Variants in TINAGL1 observed in about 807,000 individuals in gnomAD.
TINAGL1 encodes tubulointerstitial nephritis antigen like 1, also known as tubulointerstitial nephritis antigen-like.
In TINAGL1, 34 loss-of-function variants were observed where a neutral mutation model predicts 62.0. The ratio of observed to expected loss-of-function variants is 0.55; its 90% CI spans 0.42 to 0.73. The LOEUF (loss-of-function observed/expected upper bound fraction) is 0.73, where lower values mean the gene tolerates loss of function less well. TINAGL1 is among the 30% of genes least tolerant of loss of function. The probability of loss-of-function intolerance (pLI) is 0.00; values close to 1 mark genes in which losing one functional copy is unlikely to be tolerated. For synonymous variants in TINAGL1, 221 were observed against 249.7 expected (o/e 0.88, Z 1.08); for missense variants, 516 against 653.2 (o/e 0.79, Z 2.29).
chr1:31,586,464 T>C, intron 10 of TINAGL1: 1 of 597,558 alleles, frequency 1.7e-6, no homozygotes, highest in Non-Finnish European at 3.0e-6. Context: ...TTCCCTCCTC[T>C]TCTGCTCACC....
Position 31,577,361 on chromosome 1 carries a change from T to C in TINAGL1, c.213T>C (p.Cys71=). The change falls in exon 2 of 12, where the codon TGT becomes TGC. Residue 71 remains cysteine (C), a synonymous_variant. Transcript: ENST00000271064. This position sits in a 1 kb window ranked among gnomAD's most constrained non-coding sequence, Gnocchi z 5.4. The stretch of plus-strand genomic sequence containing the variant: ...CCCTGCCCTACCTGGGCGCCATCTG[T>C]TACTGTGACCTCTTCTGCAACCGCA... ...DCALPYLGAI[C]YCDLFCNRTV... is the part of the protein sequence containing the mutation. 6.2e-7 allele frequency: 1 copy of C among 1,614,040 alleles called. No homozygotes were observed. The highest frequency in any genetic ancestry group is 1.3e-5 in the African/African-American group (1 of 75,068).
intron 3 of TINAGL1, among the ~76,000 whole-genome samples, chr1:31,581,294 T>C (rs957282799): frequency 6.6e-6 from 1 of 151,972 alleles, no homozygotes; most frequent in Non-Finnish European, 1.5e-5. Flanking sequence ...AGGGAGGGGA[T>C]GGCCGGGAAT....
At position 31,584,716 on chromosome 1, in the gene TINAGL1, C is replaced by G. The variant is rs138221549; in HGVS notation, c.621C>G (p.Phe207Leu). 1 of 1,614,026 alleles carries G rather than the reference C, an allele frequency of 6.2e-7. No homozygotes were observed. The highest frequency in any genetic ancestry group is 1.3e-5 in the African/African-American group (1 of 74,948). The change falls in exon 6 of 12, where the codon TTC becomes TTG. Residue 207 changes from phenylalanine (F) to leucine (L), a missense_variant. Phe to Leu is a conservative substitution (Grantham distance 22). Coordinates refer to ENST00000271064, the MANE Select transcript of TINAGL1 (RefSeq NM_022164.3). The surrounding 1 kb of genome is among the most constrained non-coding windows in gnomAD (Gnocchi z 4.0). ...CAGGGGAGGTGCTTCCCACAGCCTT[C>G]GAGGCCTCTGAGAAGTGGCCCAACC... The part of the protein sequence containing the change: ...LNPGEVLPTA[F>L]EASEKWPNLI...
rs777678743 is a variant in TINAGL1 at position 31,585,524 on chromosome 1, G to A, written c.1093+39G>A. On this transcript the variant is annotated intron_variant, in intron 9 of 11. Transcript: ENST00000271064. The surrounding 1 kb of genome is among the most constrained non-coding windows in gnomAD (Gnocchi z 4.3). ...TCCAGCACCCTGGTTCCAGAAGCTT[G>A]TGCCTGCTTGAGAGTGGGCACAGTA... The A allele has an allele frequency of 6.2e-7, 1 of 1,612,322 alleles. No individual in the cohort carries two copies. Among genetic ancestry groups the A allele is most frequent in the South Asian group, 1.1e-5 (1 of 90,832 alleles).
chr1:31,578,716 A>C (rs1243417549), intron 2 of TINAGL1, among the ~76,000 whole-genome samples: 7 of 93,032 alleles, frequency 7.5e-5, no homozygotes, highest in Non-Finnish European at 1.4e-4. Flanking sequence ...TCTCAGTGAG[A>C]GCTGGTGTGT....
In TINAGL1 at chr1:31,584,091, G is replaced by T; in HGVS notation, c.582+516G>T. ...GGGAGCTTCAGCAGGCCTGGACCGG[G>T]ACATGTGCCGGAGCATTTGTCCATC... On this transcript the variant is annotated intron_variant, in intron 5 of 11. Coordinates refer to ENST00000271064, the MANE Select transcript of TINAGL1 (RefSeq NM_022164.3). The surrounding 1 kb of genome is among the most constrained non-coding windows in gnomAD (Gnocchi z 4.0). 1 of 168,990 alleles carries T rather than the reference G, an allele frequency of 5.9e-6. No homozygotes were observed. Among genetic ancestry groups the T allele is most frequent in the Middle Eastern group, 3.1e-3 (1 of 318 alleles). The allele number at this position is 168,990 out of a possible 1,614,324, so 10.5% of individuals were successfully genotyped here. A position where few individuals can be genotyped will look rare whatever the true frequency, so the allele number is the denominator to read the frequency against.
Position 31,583,248 on chromosome 1 carries a change from G to A in TINAGL1, c.467+7G>A, listed in dbSNP as rs758672248. 3.8e-5 allele frequency: 62 copies of A among 1,613,594 alleles called. No individual in the cohort carries two copies. Among genetic ancestry groups the A allele is most frequent in the Non-Finnish European group, 5.0e-5 (59 of 1,179,646 alleles). ...TCAACCAGGGCAACTATGGGTGAGA[G>A]GCCCTAGAGGCACCCTCAGTGGGCA... On this transcript the variant is annotated splice_region_variant and intron_variant, in intron 4 of 11. Coordinates refer to ENST00000271064, the MANE Select transcript of TINAGL1 (RefSeq NM_022164.3). This position sits in a 1 kb window ranked among gnomAD's most constrained non-coding sequence, Gnocchi z 4.4.
chr1:31,577,292 C>T lies in TINAGL1; in HGVS notation c.144C>T (p.Cys48=). 1 of 1,613,218 alleles carries T rather than the reference C, an allele frequency of 6.2e-7. No individual in the cohort carries two copies. ...RGIRDAGGRY[C]QEQDLCCRGR... ...TCCGGGACGCGGGAGGCCGGTACTG[C>T]CAGGAGCAGGACCTGTGCTGCCGCG... The change falls in exon 2 of 12, where the codon TGC becomes TGT. Residue 48 remains cysteine, a synonymous_variant. Coordinates refer to ENST00000271064, the MANE Select transcript of TINAGL1 (RefSeq NM_022164.3). The surrounding 1 kb of genome is among the most constrained non-coding windows in gnomAD (Gnocchi z 5.4).
At position 31,585,051 on chromosome 1, in the gene TINAGL1, G is replaced by A. The variant is rs763799156; in HGVS notation, c.857+15G>A. On this transcript the variant is annotated intron_variant, in intron 7 of 11. Coordinates refer to ENST00000271064, the MANE Select transcript of TINAGL1 (RefSeq NM_022164.3). The surrounding 1 kb of genome is among the most constrained non-coding windows in gnomAD (Gnocchi z 4.3). ...CGTCGCCGAGGGTATGCAGCAACAG[G>A]GGATGTGGGCAGAGAAGAGGGCAAG... The A allele has an allele frequency of 1.1e-5, 17 of 1,587,914 alleles. No individual in the cohort carries two copies. The South Asian group carries it at 1.5e-4, about 14-fold the overall frequency.
At position 31,583,337 on chromosome 1, in the gene TINAGL1, C is replaced by G; in HGVS notation, c.467+96C>G. The G allele has an allele frequency of 6.7e-7, 1 of 1,489,376 alleles. No homozygotes were observed. The highest frequency in any genetic ancestry group is 9.3e-7 in the Non-Finnish European group (1 of 1,074,576). The allele number at this position is 1,489,376 out of a possible 1,614,324, so 92.3% of individuals were successfully genotyped here. A position where few individuals can be genotyped will look rare whatever the true frequency, so the allele number is the denominator to read the frequency against. On this transcript the variant is annotated intron_variant, in intron 4 of 11. Coordinates refer to ENST00000271064, the MANE Select transcript of TINAGL1 (RefSeq NM_022164.3). The surrounding 1 kb of genome is among the most constrained non-coding windows in gnomAD (Gnocchi z 4.4). ...TGTGGGGCACGTCCAGCAGGCCACT[C>G]CTACACCCAGATTTGACTGTGTGTG...
In TINAGL1 at chr1:31,586,770, C is replaced by G; in HGVS notation, c.1263+15C>G. The stretch of plus-strand genomic sequence containing the variant: ...TCAAATACTGGGTGAGGCCGCTGAC[C>G]CTTTCCCCGCCCCCTCTTCCCCTCG... On this transcript the variant is annotated intron_variant, in intron 11 of 11. Coordinates refer to ENST00000271064, the MANE Select transcript of TINAGL1 (RefSeq NM_022164.3). The G allele has an allele frequency of 1.3e-6, 2 of 1,551,706 alleles. No individual in the cohort carries two copies. Among genetic ancestry groups the G allele is most frequent in the Non-Finnish European group, 8.7e-7 (1 of 1,147,014 alleles).
Position 31,583,430 on chromosome 1 carries a change from C to T in TINAGL1, c.468-31C>T. 6.2e-7 allele frequency: 1 copy of T among 1,601,276 alleles called. No individual in the cohort carries two copies. The highest frequency in any genetic ancestry group is 8.5e-7 in the Non-Finnish European group (1 of 1,171,684). Reference sequence around the variant, plus strand: ...CCAAGGACCCTGAGCCTCGGCAGATCTGTGACTTCCTTCCGTCCCCTCTCC... The same window carrying T: ...CCAAGGACCCTGAGCCTCGGCAGATTTGTGACTTCCTTCCGTCCCCTCTCC... On this transcript the variant is annotated intron_variant, in intron 4 of 11. Coordinates refer to ENST00000271064, the MANE Select transcript of TINAGL1 (RefSeq NM_022164.3). The surrounding 1 kb of genome is among the most constrained non-coding windows in gnomAD (Gnocchi z 4.4).
chr1:31,584,854 C>T lies in TINAGL1; in HGVS notation c.707-32C>T. 6.2e-7 allele frequency: 1 copy of T among 1,613,682 alleles called. No homozygotes were observed. Among genetic ancestry groups the T allele is most frequent in the Non-Finnish European group, 8.5e-7 (1 of 1,179,576 alleles). On this transcript the variant is annotated intron_variant, in intron 6 of 11. Coordinates refer to ENST00000271064, the MANE Select transcript of TINAGL1 (RefSeq NM_022164.3). This position sits in a 1 kb window ranked among gnomAD's most constrained non-coding sequence, Gnocchi z 4.0. The stretch of plus-strand genomic sequence containing the variant: ...GGGAGAGGAGGGCCAAGTCCTGAGC[C>T]TCCCGACAGCCCCTCTATCTCACCC...
At chr1:31,582,319 C>A (rs559416479) in intron 3 of TINAGL1, among the ~76,000 whole-genome samples, 99 of 110,290 alleles carry the variant, frequency 9.0e-4, no homozygotes, top group Admixed American at 6.8e-3. Flanking sequence ...CAGAGCAAGA[C>A]CCTGTCTCAA....
rs1638991252 is a variant in TINAGL1, at chr1:31,577,133, G to A, written c.-15-1G>A. ...TGCTGCCCACCATCTCTGCCCCCCA[G>A]GGCCCAGGAGCCACCATGTGGCGAT... On this transcript the variant is annotated splice_acceptor_variant, in intron 1 of 11. Coordinates refer to ENST00000271064, the MANE Select transcript of TINAGL1 (RefSeq NM_022164.3). LOFTEE classifies it low-confidence loss of function (5UTR_SPLICE). The surrounding 1 kb of genome is among the most constrained non-coding windows in gnomAD (Gnocchi z 5.4). The A allele has an allele frequency of 6.7e-7, 1 of 1,481,666 alleles. No individual in the cohort carries two copies. Among genetic ancestry groups the A allele is most frequent in the Non-Finnish European group, 8.9e-7 (1 of 1,121,190 alleles). The allele number at this position is 1,481,666 out of a possible 1,614,324, so 91.8% of individuals were successfully genotyped here.
At position 31,587,078 on chromosome 1, in the gene TINAGL1, C is replaced by G; in HGVS notation, c.*99C>G. 7.5e-7 allele frequency: 1 copy of G among 1,335,758 alleles called. No individual in the cohort carries two copies. Among genetic ancestry groups the G allele is most frequent in the South Asian group, 2.1e-5 (1 of 47,292 alleles). 82.7% of individuals were successfully genotyped at this position (1,335,758 alleles called of 1,614,324 possible). On this transcript the variant is annotated 3_prime_UTR_variant, in exon 12 of 12. Transcript: ENST00000271064. The stretch of plus-strand genomic sequence containing the variant: ...TGACCCCAGCCTCGCCCGACAGAGC[C>G]CGGGGCGCAGGCGGGCGCCAGGGCG...
chr1:31,585,994 A>G lies in TINAGL1; in HGVS notation c.1217+118A>G, dbSNP rs151277916. ...AGCCAGGACTGCTCTCATCATTTCA[A>G]TAGGGAGAAAACTGAGACTCAGAAA... On this transcript the variant is annotated intron_variant, in intron 10 of 11. Transcript: ENST00000271064. This position sits in a 1 kb window ranked among gnomAD's most constrained non-coding sequence, Gnocchi z 4.3. The G allele has an allele frequency of 7.6e-6, 10 of 1,319,362 alleles. No homozygotes were observed. The highest frequency in any genetic ancestry group is 2.7e-5 in the East Asian group (1 of 36,652). 81.7% of individuals were successfully genotyped at this position (1,319,362 alleles called of 1,614,324 possible).
intron 10 of TINAGL1, 142 bp from the exon 11 acceptor site, chr1:31,586,568 G>A (rs1639395946): frequency 4.5e-6 from 4 of 891,452 alleles, no homozygotes; most frequent in Non-Finnish European, 7.3e-6. Flanking sequence ...GATGCAGAGA[G>A]GTACAGAGAC....
chr1:31,578,657 G>GGTGTGT (rs10577315), intron 2 of TINAGL1, among the ~76,000 whole-genome samples: 8 of 77,750 alleles, frequency 1.0e-4, no homozygotes, highest in African/African-American at 4.1e-4. Context: ...AGTGAGAGCT[G>GGTGTGT]GTGTGTGTGT....
Sources: allele counts gnomAD v4.1 joint callset (sites outside exome capture counted in the v4.1 genomes callset), GRCh38; gene constraint gnomAD v4.1.1; non-coding constraint Gnocchi (gnomAD v3.1); transcripts MANE v1.5; gene names NCBI Gene and HGNC (gene_info 2026-07-23, HGNC 2026-07-21).